SUZ12: variants seen among roughly 807,000 people sequenced by gnomAD.
SUZ12 encodes the protein polycomb protein SUZ12.
Under a neutral mutation model 87.3 loss-of-function variants are expected in SUZ12, and 17 were observed. That is an observed-to-expected ratio of 0.19 (90% CI 0.13 to 0.29). The LOEUF is 0.29. SUZ12 is among the 10% of genes least tolerant of loss of function. The pLI, the probability that SUZ12 is intolerant of heterozygous loss-of-function variation, is 1.00. For missense variants in SUZ12, 526 were observed against 912.2 expected (o/e 0.58, Z 5.45); for synonymous variants, 253 against 312.4 (o/e 0.81, Z 2.01).
At chr17:31,992,019 C>T (rs565870185) in intron 10 of SUZ12, among the ~76,000 whole-genome samples, 13 of 152,102 alleles carry the variant, frequency 8.5e-5, no homozygotes, top group Non-Finnish European at 1.6e-4. Flanking sequence ...GGGCTGGGCA[C>T]GGTGACTCAT....
At chr17:31,950,136 G>A (rs941733473) in intron 4 of SUZ12, among the ~76,000 whole-genome samples, 2 of 151,886 alleles carry the variant, frequency 1.3e-5, no homozygotes, top group Non-Finnish European at 2.9e-5. Flanking sequence ...ACAGGTGCCC[G>A]GCATCACACC....
At chr17:31,984,291 A>G (rs1262614072) in intron 9 of SUZ12, among the ~76,000 whole-genome samples, 1 of 152,226 alleles carries the variant, frequency 6.6e-6, no homozygotes, top group African/African-American at 2.4e-5. Flanking sequence ...TGGTATAGCT[A>G]TGTGAGAAAG....
At chr17:31,981,732 G>C (rs748960059) in intron 8 of SUZ12, among the ~76,000 whole-genome samples, 3 of 152,206 alleles carry the variant, frequency 2.0e-5, no homozygotes, top group East Asian at 1.9e-4. Context: ...AGAGACTTTA[G>C]AGACAGACAC....
rs1905983279 is a variant in SUZ12 at position 31,937,225 on chromosome 17, G to C, written c.-22G>C. ...GGGGCCGCCCGGCGGGTAGCTGGCGGGGGGAGGAGGCAGGAACCGCGATGG... is the reference window on the plus strand; with the variant it reads ...GGGGCCGCCCGGCGGGTAGCTGGCGCGGGGAGGAGGCAGGAACCGCGATGG... On this transcript the variant is annotated 5_prime_UTR_variant, in exon 1 of 16. Transcript: ENST00000322652. 7.9e-6 allele frequency: 11 copies of C among 1,400,524 alleles called. No individual in the cohort carries two copies. The highest frequency in any genetic ancestry group is 1.6e-5 in the South Asian group (1 of 64,002). 86.8% of individuals were successfully genotyped at this position (1,400,524 alleles called of 1,614,324 possible).
intron 5 of SUZ12, among the ~76,000 whole-genome samples, chr17:31,971,141 G>T (rs1321936832): frequency 6.6e-6 from 1 of 152,084 alleles, no homozygotes; most frequent in Non-Finnish European, 1.5e-5. Context: ...CATTTAAACT[G>T]TAGAGAAATT....
At position 31,999,027 on chromosome 17, in the gene SUZ12, A is replaced by T; in HGVS notation, c.*24A>T. 1 of 1,485,140 alleles carries T rather than the reference A, an allele frequency of 6.7e-7. No homozygotes were observed. Among genetic ancestry groups the T allele is most frequent in the South Asian group, 1.4e-5 (1 of 69,284 alleles). 92.0% of individuals were successfully genotyped at this position (1,485,140 alleles called of 1,614,324 possible). On this transcript the variant is annotated 3_prime_UTR_variant, in exon 16 of 16. Coordinates refer to ENST00000322652, the MANE Select transcript of SUZ12 (RefSeq NM_015355.4). ...GAAAAGCTCTAACCCCATGTTATGG[A>T]CAAACACTGAAATTACATTTTAGGG...
rs1450748018 is a variant in SUZ12 at position 31,973,251 on chromosome 17, A to G, written c.591+20A>G. The G allele has an allele frequency of 3.8e-6, 5 of 1,315,832 alleles. No homozygotes were observed. Among genetic ancestry groups the G allele is most frequent in the Non-Finnish European group, 4.2e-6 (4 of 952,148 alleles). 81.5% of individuals were successfully genotyped at this position (1,315,832 alleles called of 1,614,324 possible). A position where few individuals can be genotyped will look rare whatever the true frequency, so the allele number is the denominator to read the frequency against. On this transcript the variant is annotated intron_variant, in intron 6 of 15. Transcript: ENST00000322652. Reference sequence around the variant, plus strand: ...AGAAAGGTAATGTCAACAAAATGATATTGGTAGATTAAATGGAATAATTTG... The same window carrying G: ...AGAAAGGTAATGTCAACAAAATGATGTTGGTAGATTAAATGGAATAATTTG...
chr17:31,976,450 T>C, intron 7 of SUZ12, 71 bp from the exon 8 acceptor site: 1 of 1,256,552 alleles, frequency 8.0e-7, no homozygotes, highest in Non-Finnish European at 1.1e-6. Flanking sequence ...ATGTTTTATG[T>C]TAAGGGACCA....
At chr17:31,941,188 G>GCCT (rs1264160033) in intron 3 of SUZ12, among the ~76,000 whole-genome samples, 38 of 150,908 alleles carry the variant, frequency 2.5e-4, no homozygotes, top group Admixed American at 2.5e-3. Flanking sequence ...TGCAAGCTCC[G>GCCT]CCTCCTGGGT....
chr17:31,946,457 G>A (rs369077830), intron 3 of SUZ12, among the ~76,000 whole-genome samples: 12 of 152,226 alleles, frequency 7.9e-5, no homozygotes, highest in Middle Eastern at 3.4e-3. Flanking sequence ...GCCTGAACCC[G>A]GGAGGTGGAG....
At chr17:31,985,655 G>T (rs1295578213) in intron 9 of SUZ12, among the ~76,000 whole-genome samples, 23 of 144,964 alleles carry the variant, frequency 1.6e-4, no homozygotes, top group African/African-American at 5.3e-4. Flanking sequence ...TTTTGTTTTT[G>T]TTTTTTTTTT....
chr17:31,970,582 T>G (rs561559), intron 5 of SUZ12, among the ~76,000 whole-genome samples: 1 of 151,636 alleles, frequency 6.6e-6, no homozygotes, highest in African/African-American at 2.4e-5. Context: ...GAGCCGAGAT[T>G]GTGCCACTGC....
At chr17:31,963,470 T>TGTG (rs970689461) in intron 4 of SUZ12, among the ~76,000 whole-genome samples, 6 of 151,222 alleles carry the variant, frequency 4.0e-5, no homozygotes, top group Non-Finnish European at 8.9e-5. Context: ...ATACTTAAGT[T>TGTG]GTGGTGGTGG....
chr17:31,995,883 G>A lies in SUZ12; in HGVS notation c.1794+121G>A, dbSNP rs922034482. The A allele has an allele frequency of 4.6e-5, 35 of 767,122 alleles. 1 individual carries two copies. Among genetic ancestry groups the A allele is most frequent in the Admixed American group, 2.1e-4 (7 of 33,988 alleles). 47.5% of individuals were successfully genotyped at this position (767,122 alleles called of 1,614,324 possible). A position where few individuals can be genotyped will look rare whatever the true frequency, so the allele number is the denominator to read the frequency against. On this transcript the variant is annotated intron_variant, in intron 14 of 15. Transcript: ENST00000322652. ...TTTTTAAAAAAAAAAAAAGGAATCCGGAAATGTACAGGTTTTAAAATTATG... is the reference window on the plus strand; with the variant it reads ...TTTTTAAAAAAAAAAAAAGGAATCCAGAAATGTACAGGTTTTAAAATTATG...
chr17:31,994,030 C>G, intron 12 of SUZ12, 22 bp downstream of exon 12: 1 of 1,605,378 alleles, frequency 6.2e-7, no homozygotes. Context: ...TTCATATTTT[C>G]TCAATTTGTG....
chr17:31,958,243 C>G (rs1294835148), intron 4 of SUZ12, among the ~76,000 whole-genome samples: 1 of 152,008 alleles, frequency 6.6e-6, no homozygotes, highest in Non-Finnish European at 1.5e-5. Context: ...ACCGTTTTGC[C>G]CAGTGTGACC....
chr17:31,999,153 G>T lies in SUZ12; in HGVS notation c.*150G>T, dbSNP rs961686593. ...TTTCAACAAGGATATTTGTATCAGG[G>T]TTCTACTTCACTTCATTATGCAGCA... On this transcript the variant is annotated 3_prime_UTR_variant, in exon 16 of 16. Transcript: ENST00000322652. 3.5e-5 allele frequency: 21 copies of T among 599,344 alleles called. No homozygotes were observed. In the Admixed American group the frequency reaches 3.7e-4, roughly 11 times the overall value. 37.1% of individuals were successfully genotyped at this position (599,344 alleles called of 1,614,324 possible).
intron 8 of SUZ12, among the ~76,000 whole-genome samples, chr17:31,982,111 A>G (rs1182587104): frequency 1.3e-5 from 2 of 152,252 alleles, no homozygotes; most frequent in Admixed American, 1.3e-4. Context: ...CACACACCTT[A>G]AAACTATATT....
At position 31,937,457 on chromosome 17, in the gene SUZ12, G is replaced by A. The variant is rs149833913; in HGVS notation, c.211G>A (p.Val71Met). 6,852 of 1,541,628 alleles carry A rather than the reference G, an allele frequency of 4.4e-3. 35 individuals carry two copies. The highest frequency in any genetic ancestry group is 4.5e-3 in the Non-Finnish European group (5,127 of 1,145,280). The change falls in exon 1 of 16, where the codon GTG (valine) becomes ATG (methionine). Residue 71 changes from valine to methionine, a missense_variant. By Grantham distance (21) the Val-to-Met change is conservative. This residue lies in a region of SUZ12 where 18 missense variants were observed against 62.3 expected (regional missense o/e 0.29). Transcript: ENST00000322652. The part of the protein sequence containing the change: ...AAAAGAAVLP[V>M]KKPKMEHVQA... ...AGCGGCGGGGGCTGCGGTGTTACCGGTGAAGAAGCCGAAAATGGAGCACGT... is the reference window on the plus strand; with the variant it reads ...AGCGGCGGGGGCTGCGGTGTTACCGATGAAGAAGCCGAAAATGGAGCACGT...
Sources: allele counts gnomAD v4.1 joint callset (sites outside exome capture counted in the v4.1 genomes callset), GRCh38; gene constraint gnomAD v4.1.1; regional missense constraint gnomAD v4.1.1; transcripts MANE v1.5; gene names NCBI Gene and HGNC (gene_info 2026-07-23, HGNC 2026-07-21).